The following KAT5 variants were observed in gnomAD, a reference collection of about 807,000 sequenced individuals.
KAT5 encodes lysine acetyltransferase 5.
In KAT5, 31 loss-of-function variants were observed where a neutral mutation model predicts 68.1. The observed-to-expected ratio is 0.46, with a 90% CI of 0.34 to 0.61. KAT5 has a LOEUF of 0.61. Among genes scored for constraint, KAT5 ranks in the 20% least tolerant of loss-of-function variants. The probability of loss-of-function intolerance (pLI) is 0.01; values close to 1 mark genes in which losing one functional copy is unlikely to be tolerated. For synonymous variants in KAT5, 365 were observed against 292.6 expected, an observed-to-expected ratio of 1.25 and a Z score of -2.52; for missense variants, 451 against 725.5, an observed-to-expected ratio of 0.62 and a Z score of 4.35.
In KAT5 at chr11:65,713,450, C is replaced by G. The variant is rs749308665; in HGVS notation, c.487C>G (p.Pro163Ala). Residue 163 changes from proline (P) to alanine (A), a missense_variant, in exon 4 of 13, where the codon CCT (proline) becomes GCT (alanine). Physicochemically the swap from Pro to Ala is conservative, Grantham distance 27. This residue lies in a region of KAT5 where 135 missense variants were observed against 173.4 expected (regional missense o/e 0.78). Coordinates refer to ENST00000341318, the MANE Select transcript of KAT5 (RefSeq NM_182710.3). ...GCGGGAGGCCATTCCCGGTGGCGAGCCTGACCAGCCGCTCTCCTCCAGCTC... is the reference window on the plus strand; with the variant it reads ...GCGGGAGGCCATTCCCGGTGGCGAGGCTGACCAGCCGCTCTCCTCCAGCTC... ...KEREAIPGGE[P>A]DQPLSSSSCL... 1 of 1,614,198 alleles carries G rather than the reference C, an allele frequency of 6.2e-7. No individual in the cohort carries two copies. Among genetic ancestry groups the G allele is most frequent in the Non-Finnish European group, 8.5e-7 (1 of 1,180,030 alleles).
At position 65,713,854 on chromosome 11, in the gene KAT5, T is replaced by C. The variant is rs1419140628; in HGVS notation, c.690+6T>C. ...ATTGTTTGGGCACTGATGAGGTGGG[T>C]CTGGGGAGCAGCAGAAGGGAACTGG... On this transcript the variant is annotated splice_donor_region_variant and intron_variant, in intron 6 of 12. Transcript: ENST00000341318. 7 of 1,570,818 alleles carry C rather than the reference T, an allele frequency of 4.5e-6. No homozygotes were observed. In the South Asian group the frequency reaches 8.1e-5, roughly 18 times the overall value.
At chr11:65,716,579 C>G in intron 8 of KAT5, 88 bp from the exon 9 acceptor site, 1 of 1,319,516 alleles carries the variant, frequency 7.6e-7, no homozygotes, top group East Asian at 2.3e-5. Flanking sequence ...GGGCATAGCA[C>G]GAACAGTGAA....
rs1279680180 is a variant in KAT5 at position 65,714,785 on chromosome 11, C to T, written c.940-36C>T. The T allele has an allele frequency of 1.4e-5, 22 of 1,614,042 alleles. 1 individual carries two copies. The highest frequency in any genetic ancestry group is 3.3e-5 in the South Asian group (3 of 91,092). ...GAGGCTGCCTTCCCAGCACCCTCCA[C>T]GTTGCCCTTGTTCCTGATCCTCCTC... is the stretch of plus-strand genomic sequence containing the variant. On this transcript the variant is annotated intron_variant, in intron 7 of 12. Transcript: ENST00000341318.
chr11:65,717,360 T>C, intron 10 of KAT5: 1 of 331,254 alleles, frequency 3.0e-6, no homozygotes, highest in Non-Finnish European at 5.7e-6. Flanking sequence ...ATGTCCCCAG[T>C]TGTCCCCTGA....
chr11:65,718,977 CAG>C, intron 12 of KAT5, 23 bp downstream of exon 12: 1 of 1,614,044 alleles, frequency 6.2e-7, no homozygotes, highest in Admixed American at 1.7e-5. Flanking sequence ...GCAGGGGAGA[CAG>C]GTGTGTGGGA....
intron 1 of KAT5, 45 bp from the exon 2 acceptor site, chr11:65,712,721 C>A: frequency 6.2e-7 from 1 of 1,606,768 alleles, no homozygotes; most frequent in Non-Finnish European, 8.5e-7. Context: ...GGTGGAGTCT[C>A]ATAGCCTGGC....
At chr11:65,713,198 C>T (rs1431668613) in intron 3 of KAT5, 140 bp downstream of exon 3, 2 of 1,319,130 alleles carry the variant, frequency 1.5e-6, no homozygotes, top group African/African-American at 1.5e-5. Flanking sequence ...CCAAATTGCA[C>T]ATGTAGCTCC....
Position 65,719,233 on chromosome 11 carries a change from G to T in KAT5, c.*52G>T. ...GACGGCAGCAGGACTGGGGCTGATA[G>T]CCCACCCCGCCCCCACTGCAGCTCC... On this transcript the variant is annotated 3_prime_UTR_variant, in exon 13 of 13. Coordinates refer to ENST00000341318, the MANE Select transcript of KAT5 (RefSeq NM_182710.3). 1 of 1,591,064 alleles carries T rather than the reference G, an allele frequency of 6.3e-7. No homozygotes were observed. The highest frequency in any genetic ancestry group is 1.1e-5 in the South Asian group (1 of 88,760).
Position 65,713,721 on chromosome 11 carries a change from C to G in KAT5, c.616-53C>G, listed in dbSNP as rs1033731639. 128 of 1,613,512 alleles carry G rather than the reference C, an allele frequency of 7.9e-5. No individual in the cohort carries two copies. The Admixed American group carries it at 2.0e-3, about 25-fold the overall frequency. On this transcript the variant is annotated intron_variant, in intron 5 of 12. Transcript: ENST00000341318. Reference sequence around the variant, plus strand: ...CTTCCTCTCTTCTACTCTCTGGTGGCTTTTTTCAGGCTCATTTCACAGCCA... The same window carrying G: ...CTTCCTCTCTTCTACTCTCTGGTGGGTTTTTTCAGGCTCATTTCACAGCCA...
chr11:65,717,020 A>C lies in KAT5; in HGVS notation c.1264+38A>C, dbSNP rs537138949. On this transcript the variant is annotated intron_variant, in intron 10 of 12. Coordinates refer to ENST00000341318, the MANE Select transcript of KAT5 (RefSeq NM_182710.3). ...GCTGCGGCCAGGGGGTAGTGGACCC[A>C]CTATCGGTGCCTCACAGGCAGATGG... is the stretch of plus-strand genomic sequence containing the variant. 179 of 1,479,998 alleles carry C rather than the reference A, an allele frequency of 1.2e-4. No individual in the cohort carries two copies. In the East Asian group the frequency reaches 3.8e-3, roughly 32 times the overall value. The allele number at this position is 1,479,998 out of a possible 1,614,324, so 91.7% of individuals were successfully genotyped here. A position where few individuals can be genotyped will look rare whatever the true frequency, so the allele number is the denominator to read the frequency against.
At chr11:65,717,742 A>G (rs1238705458) in intron 10 of KAT5, 1 of 152,756 alleles carries the variant, frequency 6.5e-6, no homozygotes, top group Non-Finnish European at 1.5e-5. Context: ...AGAACTTCTC[A>G]GCCTGGTAGC....
At position 65,713,764 on chromosome 11, in the gene KAT5, ATC is replaced by A; in HGVS notation, c.616-7_616-6del. 6.2e-7 allele frequency: 1 copy of A among 1,612,930 alleles called. No individual in the cohort carries two copies. The highest frequency in any genetic ancestry group is 1.1e-5 in the South Asian group (1 of 90,932). On this transcript the variant is annotated splice_polypyrimidine_tract_variant and splice_region_variant and intron_variant, in intron 5 of 12. Coordinates refer to ENST00000341318, the MANE Select transcript of KAT5 (RefSeq NM_182710.3). ...CACAGCCATCCCTTCTTTTCCTACT[ATC>A]TCGGCAGAATGGAGCCGCCCGTAGG...
rs1857051375 is a variant in KAT5, at chr11:65,712,436, G to A, written c.169G>A (p.Asp57Asn). 6.3e-7 allele frequency: 1 copy of A among 1,595,854 alleles called. No homozygotes were observed. The highest frequency in any genetic ancestry group is 8.5e-7 in the Non-Finnish European group (1 of 1,175,056). The change falls in exon 1 of 13, where the codon GAT becomes AAT. Residue 57 changes from aspartate to asparagine, a missense_variant. Physicochemically the swap from Asp to Asn is conservative, Grantham distance 23. Around this residue, in one of 4 missense-constraint regions of KAT5, gnomAD observed 104 missense variants for 107.3 expected, o/e 0.97. Coordinates refer to ENST00000341318, the MANE Select transcript of KAT5 (RefSeq NM_182710.3). ...GCTGCGGCGGAACCAGGACAACGAA[G>A]ATGAGTGGCGTGAGTGACGTTGGGG... ...PVLRRNQDNE[D>N]EWPLAEILSV... is the part of the protein sequence containing the mutation.
chr11:65,714,437 T>C, intron 6 of KAT5, 58 bp from the exon 7 acceptor site: 2 of 1,581,784 alleles, frequency 1.3e-6, no homozygotes, highest in South Asian at 1.1e-5. Flanking sequence ...GGCTGTGAGC[T>C]GTGGTGTCCT....
intron 8 of KAT5, chr11:65,716,461 A>C (rs969795797): frequency 1.7e-6 from 1 of 588,682 alleles, no homozygotes. Context: ...ACCATCACAC[A>C]TCTGGCACAC....
chr11:65,712,457 TG>T lies in KAT5; in HGVS notation c.178+18del. 2 of 1,453,328 alleles carry T rather than the reference TG, an allele frequency of 1.4e-6. No homozygotes were observed. Among genetic ancestry groups the T allele is most frequent in the Admixed American group, 2.4e-5 (1 of 42,104 alleles). The allele number at this position is 1,453,328 out of a possible 1,614,324, so 90.0% of individuals were successfully genotyped here. On this transcript the variant is annotated intron_variant, in intron 1 of 12. Coordinates refer to ENST00000341318, the MANE Select transcript of KAT5 (RefSeq NM_182710.3). ...CGAAGATGAGTGGCGTGAGTGACGT[TG>T]GGGGGCGGGACTAAGGAACCTGAGG...
At chr11:65,714,976 A>G in intron 8 of KAT5, 66 bp downstream of exon 8, 1 of 1,387,888 alleles carries the variant, frequency 7.2e-7, no homozygotes, top group South Asian at 1.2e-5. Context: ...TGCTCAGGTA[A>G]ACACTGACCA....
intron 8 of KAT5, among the ~76,000 whole-genome samples, chr11:65,715,732 G>A (rs963916767): frequency 3.3e-5 from 5 of 151,748 alleles, no homozygotes; most frequent in Non-Finnish European, 7.4e-5. Context: ...CTGCATTCCA[G>A]CCTGGGAGAC....
At chr11:65,716,341 C>T (rs1328771326) in intron 8 of KAT5, 5 of 295,322 alleles carry the variant, frequency 1.7e-5, no homozygotes, top group Non-Finnish European at 3.2e-5. Flanking sequence ...AGTTCGTTGG[C>T]TGCTGTTAAA....
Sources: gnomAD v4.1 joint callset for allele counts (sites outside exome capture counted in the v4.1 genomes callset) on GRCh38, gnomAD v4.1.1 for gene constraint, gnomAD v4.1.1 regional missense constraint, MANE v1.5 for transcripts, NCBI Gene and HGNC (gene_info 2026-07-23, HGNC 2026-07-21) for gene names.